TTC39C: variants seen among roughly 807,000 people sequenced by gnomAD.
TTC39C encodes the protein tetratricopeptide repeat protein 39C.
In TTC39C, 33 loss-of-function variants were observed where a neutral mutation model predicts 76.3. That is an observed-to-expected ratio of 0.43 (90% CI 0.33 to 0.58). The LOEUF is 0.58. TTC39C is among the 20% of genes least tolerant of loss of function. TTC39C has a pLI of 0.04. For synonymous variants in TTC39C, 254 were observed against 260.6 expected (o/e 0.97, Z 0.24); for missense variants, 595 against 701.4 (o/e 0.85, Z 1.71).
intron 6 of TTC39C, among the ~76,000 whole-genome samples, chr18:24,106,901 T>C (rs549947612): frequency 3.7e-4 from 57 of 152,142 alleles, no homozygotes; most frequent in Non-Finnish European, 7.2e-4. Context: ...GCCAGGCTGG[T>C]CTCAAACTCC....
rs2083431929 is a variant in TTC39C, at chr18:24,014,897, CGCG to C, written c.34_36del (p.Arg12del). ...ATGGCCGGCTCGGAGCAGCAGCGGC[CGCG>C]GCGGCGGGACGACGGAGACTCGGAC... is the stretch of plus-strand genomic sequence containing the variant. On this transcript the variant is annotated inframe_deletion, in exon 1 of 14. Transcript: ENST00000317571. The C allele has an allele frequency of 6.7e-7, 1 of 1,489,790 alleles. No individual in the cohort carries two copies. Among genetic ancestry groups the C allele is most frequent in the Non-Finnish European group, 8.9e-7 (1 of 1,120,936 alleles). 92.3% of individuals were successfully genotyped at this position (1,489,790 alleles called of 1,614,324 possible).
At chr18:24,000,849 G>A (rs978636166) in intron 1 of TTC39C, among the ~76,000 whole-genome samples, 1 of 152,102 alleles carries the variant, frequency 6.6e-6, no homozygotes, top group African/African-American at 2.4e-5. Context: ...CTGTCACCTG[G>A]TTATCCCAGT....
rs969335417 is a variant in TTC39C, at chr18:24,134,290, T to C, written c.*1716T>C. On this transcript the variant is annotated 3_prime_UTR_variant, in exon 14 of 14. Coordinates refer to ENST00000317571, the MANE Select transcript of TTC39C (RefSeq NM_001135993.2). ...TTTTTTTTTTTTTTTTTTTTTTTTT[T>C]TGAGACGGAGTCTCGCTCTGTCACC... 2 of 138,716 alleles carry C rather than the reference T, an allele frequency of 1.4e-5. No homozygotes were observed. Among genetic ancestry groups the C allele is most frequent in the African/African-American group, 2.8e-5 (1 of 35,910 alleles). 8.6% of individuals were successfully genotyped at this position (138,716 alleles called of 1,614,324 possible).
chr18:24,109,940 A>G (rs1201010860), intron 6 of TTC39C, among the ~76,000 whole-genome samples: 1 of 152,126 alleles, frequency 6.6e-6, no homozygotes, highest in Non-Finnish European at 1.5e-5. Flanking sequence ...CGGGAGGCAG[A>G]GATTGCAGTG....
intron 1 of TTC39C, among the ~76,000 whole-genome samples, chr18:24,038,530 G>T (rs978486110): frequency 2.6e-5 from 4 of 152,074 alleles, no homozygotes; most frequent in South Asian, 2.1e-4. Context: ...CAATCCGTCC[G>T]CCTTGGCCTC....
chr18:24,039,733 T>TA (rs2083769971), intron 1 of TTC39C, among the ~76,000 whole-genome samples: 1 of 152,160 alleles, frequency 6.6e-6, no homozygotes, highest in Admixed American at 6.5e-5. Flanking sequence ...GAAAACAAGT[T>TA]AGAGAGCGAC....
chr18:24,050,513 G>C (rs1346693210), intron 1 of TTC39C, among the ~76,000 whole-genome samples: 1 of 142,280 alleles, frequency 7.0e-6, no homozygotes, highest in Non-Finnish European at 1.5e-5. Flanking sequence ...GCAGTGAGCT[G>C]AGATTGTACC....
At chr18:23,994,904 T>TTA (rs1555762273) in intron 1 of TTC39C, among the ~76,000 whole-genome samples, 12 of 151,162 alleles carry the variant, frequency 7.9e-5, no homozygotes, top group African/African-American at 2.9e-4. Context: ...TCCTTTTTTT[T>TTA]AAAAAAAAAT....
intron 1 of TTC39C, among the ~76,000 whole-genome samples, chr18:24,061,593 T>TAAAAAAAAAAAAA (rs35502981): frequency 1.0e-5 from 1 of 95,790 alleles, no homozygotes; most frequent in Non-Finnish European, 2.0e-5. Context: ...TTGAAATAAG[T>TAAAAAAAAAAAAA]AAAAAAAAAA....
chr18:24,020,109 A>G lies in TTC39C; in HGVS notation c.167+5071A>G, dbSNP rs558785222. The stretch of plus-strand genomic sequence containing the variant: ...GAGTCCACAGATGCAGAGATGTAAG[A>G]AAAGGAGAAGAAATGAAAAGCAGAA... On this transcript the variant is annotated intron_variant, in intron 1 of 13. Coordinates refer to ENST00000317571, the MANE Select transcript of TTC39C (RefSeq NM_001135993.2). The G allele has an allele frequency of 6.8e-5, 87 of 1,279,684 alleles. No homozygotes were observed. The African/African-American group carries it at 1.3e-3, about 18-fold the overall frequency. The allele number at this position is 1,279,684 out of a possible 1,614,324, so 79.3% of individuals were successfully genotyped here. A position where few individuals can be genotyped will look rare whatever the true frequency, so the allele number is the denominator to read the frequency against.
At chr18:24,051,373 G>A (rs544989914) in intron 1 of TTC39C, among the ~76,000 whole-genome samples, 2 of 152,344 alleles carry the variant, frequency 1.3e-5, no homozygotes, top group Admixed American at 6.5e-5. Context: ...TGCAGTGGCT[G>A]TAAATGCAAA....
intron 1 of TTC39C, among the ~76,000 whole-genome samples, chr18:24,008,979 TA>T: frequency 6.6e-6 from 1 of 152,252 alleles, no homozygotes; most frequent in Non-Finnish European, 1.5e-5. Context: ...TGTTCTCACT[TA>T]TAAGTGAGAG....
At chr18:24,098,498 A>C (rs1264383259) in intron 6 of TTC39C, among the ~76,000 whole-genome samples, 1,234 of 39,902 alleles carry the variant, frequency 0.031, no homozygotes, top group African/African-American at 0.033. Context: ...CTCCTCTCCT[A>C]TCCTCTCCTC....
In TTC39C at chr18:24,008,335, A is replaced by C. The variant is rs80319657; in HGVS notation, c.-17+15297A>C. Among the ~76,000 whole-genome samples the C allele has an allele frequency of 3.8e-3, 582 of 152,354 alleles. 5 individuals carry two copies. Among genetic ancestry groups the C allele is most frequent in the African/African-American group, 0.013 (558 of 41,576 alleles). ...CCAAAATAGATTCATATACTTTGTTAGATGAACCAAAAGGTATCTCCTTCT... is the reference window on the plus strand; with the variant it reads ...CCAAAATAGATTCATATACTTTGTTCGATGAACCAAAAGGTATCTCCTTCT... On this transcript the variant is annotated intron_variant, in intron 1 of 13. Transcript: ENST00000304621.
In TTC39C at chr18:24,043,477, T is replaced by C. The variant is rs143201567; in HGVS notation, c.168-20663T>C. ...ATTAGAGCATTCGGCAACAGAAAAA[T>C]ACAATTAAAGGGATAGGAACAACTC... On this transcript the variant is annotated intron_variant, in intron 1 of 13. Coordinates refer to ENST00000317571, the MANE Select transcript of TTC39C (RefSeq NM_001135993.2). Among the ~76,000 whole-genome samples, 489 of 152,076 alleles carry C rather than the reference T, an allele frequency of 3.2e-3. 3 individuals carry two copies. Among genetic ancestry groups the C allele is most frequent in the African/African-American group, 0.011 (455 of 41,462 alleles).
intron 6 of TTC39C, among the ~76,000 whole-genome samples, chr18:24,107,318 T>C (rs931571306): frequency 1.3e-5 from 2 of 152,102 alleles, no homozygotes; most frequent in Admixed American, 6.5e-5. Flanking sequence ...CACGCACGCA[T>C]GTGCACTCTA....
intron 1 of TTC39C, 40 bp from the exon 2 acceptor site, chr18:24,064,100 A>G: frequency 5.0e-6 from 8 of 1,607,008 alleles, no homozygotes; most frequent in Non-Finnish European, 6.8e-6. Flanking sequence ...TACAGTGAAA[A>G]TAATTGTATT....
intron 1 of TTC39C, among the ~76,000 whole-genome samples, chr18:24,001,933 C>G (rs1355540717): frequency 6.6e-6 from 1 of 151,190 alleles, no homozygotes; most frequent in African/African-American, 2.4e-5. Context: ...TCACGCCATT[C>G]TCCTGCCTCA....
rs2084682447 is a variant in TTC39C, at chr18:24,102,024, G to A, written c.985-12530G>A. Among the ~76,000 whole-genome samples the A allele has an allele frequency of 2.0e-5, 3 of 152,176 alleles. No individual in the cohort carries two copies. In the South Asian group the frequency reaches 6.2e-4, roughly 31 times the overall value. ...TGGCCCAGCCCAGCTTTCTGAGCCT[G>A]TACCCTCATCTGTAAAAAAGAAGGC... On this transcript the variant is annotated intron_variant, in intron 6 of 13. Transcript: ENST00000317571.
Sources: gnomAD v4.1 joint callset for allele counts (sites outside exome capture counted in the v4.1 genomes callset) on GRCh38, gnomAD v4.1.1 for gene constraint, MANE v1.5 for transcripts, NCBI Gene and HGNC (gene_info 2026-07-23, HGNC 2026-07-21) for gene names.